RHOT1: variants seen among roughly 807,000 people sequenced by gnomAD.
RHOT1 encodes ras homolog family member T1, also known as mitochondrial Rho GTPase 1.
In RHOT1, 27 loss-of-function variants were observed where a neutral mutation model predicts 95.3. The ratio of observed to expected loss-of-function variants is 0.28; its 90% CI spans 0.21 to 0.39. The LOEUF (loss-of-function observed/expected upper bound fraction) is 0.39, where lower values mean the gene tolerates loss of function less well. Among genes scored for constraint, RHOT1 ranks in the 10% least tolerant of loss-of-function variants. The pLI, the probability that RHOT1 is intolerant of heterozygous loss-of-function variation, is 1.00. For missense variants in RHOT1, 578 were observed against 786.7 expected (o/e 0.73, Z 3.17); for synonymous variants, 227 against 263.5 (o/e 0.86, Z 1.34).
intron 1 of RHOT1, among the ~76,000 whole-genome samples, chr17:32,147,952 C>G (rs1041273975): frequency 6.6e-6 from 1 of 152,050 alleles, no homozygotes. Context: ...ACTTCTGATG[C>G]GTGTAGGCTT....
intron 1 of RHOT1, among the ~76,000 whole-genome samples, chr17:32,162,366 A>G (rs1216512055): frequency 6.6e-6 from 1 of 152,220 alleles, no homozygotes. Context: ...GACCAGATGT[A>G]TTCTATGTTA....
intron 13 of RHOT1, 124 bp downstream of exon 13, chr17:32,199,674 G>A: frequency 1.5e-6 from 1 of 664,076 alleles, no homozygotes; most frequent in Non-Finnish European, 2.4e-6. Flanking sequence ...TTGCCTCTAA[G>A]CAAGATTAGC....
intron 1 of RHOT1, among the ~76,000 whole-genome samples, chr17:32,144,924 T>G (rs1341010100): frequency 1.3e-5 from 2 of 151,362 alleles, no homozygotes; most frequent in African/African-American, 4.9e-5. Flanking sequence ...ACCCAGAAAA[T>G]CGAGGTTGCA....
chr17:32,182,234 G>C (rs1254198175), intron 6 of RHOT1, among the ~76,000 whole-genome samples: 2 of 152,054 alleles, frequency 1.3e-5, no homozygotes, highest in Non-Finnish European at 2.9e-5. Context: ...AGGCATAGTA[G>C]CTCATACCTA....
At chr17:32,172,109 TTACTC>T (rs1485270302) in intron 2 of RHOT1, among the ~76,000 whole-genome samples, 4 of 152,208 alleles carry the variant, frequency 2.6e-5, no homozygotes, top group African/African-American at 7.2e-5. Context: ...TATCCTTCCT[TTACTC>T]TAGTTTAGAT....
At chr17:32,151,540 C>G in intron 1 of RHOT1, 1 of 505,042 alleles carries the variant, frequency 2.0e-6, no homozygotes, top group Non-Finnish European at 3.7e-6. Flanking sequence ...CCCCTTAGAC[C>G]ATTTTCAGTC....
intron 1 of RHOT1, among the ~76,000 whole-genome samples, chr17:32,165,516 C>G (rs532473355): frequency 1.3e-5 from 2 of 148,694 alleles, no homozygotes; most frequent in East Asian, 3.9e-4. Context: ...GAGAGAGACC[C>G]TGTCTCAAAA....
intron 15 of RHOT1, among the ~76,000 whole-genome samples, chr17:32,203,269 C>CTTTTTTTTTTT (rs940216011): frequency 1.4e-4 from 10 of 72,328 alleles, no homozygotes; most frequent in Admixed American, 3.5e-4. Context: ...TCTTCTTCTT[C>CTTTTTTTTTTT]TTTTTTTTTT....
At chr17:32,182,282 A>G (rs189667403) in intron 6 of RHOT1, among the ~76,000 whole-genome samples, 2 of 152,288 alleles carry the variant, frequency 1.3e-5, no homozygotes, top group East Asian at 3.9e-4. Context: ...GTTTGAGACT[A>G]GCCTAGGCAA....
At chr17:32,153,821 T>C (rs1165879074) in intron 1 of RHOT1, among the ~76,000 whole-genome samples, 2 of 152,208 alleles carry the variant, frequency 1.3e-5, no homozygotes, top group South Asian at 2.1e-4. Flanking sequence ...TTAGAAATTA[T>C]ATAGGCATTG....
chr17:32,216,146 A>G (rs2142938122), intron 19 of RHOT1, among the ~76,000 whole-genome samples: 1 of 152,062 alleles, frequency 6.6e-6, no homozygotes, highest in South Asian at 2.1e-4. Context: ...ACTTGAGAAC[A>G]CTCCTGCTTT....
At chr17:32,203,269 CTTT>C (rs940216011) in intron 15 of RHOT1, among the ~76,000 whole-genome samples, 4 of 72,332 alleles carry the variant, frequency 5.5e-5, no homozygotes, top group African/African-American at 1.2e-4. Context: ...TCTTCTTCTT[CTTT>C]TTTTTTTTTT....
At chr17:32,191,359 C>G (rs2036475804) in intron 8 of RHOT1, among the ~76,000 whole-genome samples, 1 of 152,132 alleles carries the variant, frequency 6.6e-6, no homozygotes, top group Non-Finnish European at 1.5e-5. Context: ...ATTTCCTCAC[C>G]TTGACATCTC....
At chr17:32,207,836 G>A (rs2037862769) in intron 17 of RHOT1, among the ~76,000 whole-genome samples, 1 of 151,662 alleles carries the variant, frequency 6.6e-6, no homozygotes, top group African/African-American at 2.4e-5. Flanking sequence ...TGTGTTTAAT[G>A]TGTGTTTTTA....
chr17:32,153,632 C>T (rs1449204441), intron 1 of RHOT1, among the ~76,000 whole-genome samples: 1 of 152,114 alleles, frequency 6.6e-6, no homozygotes, highest in Non-Finnish European at 1.5e-5. Context: ...GTACTCTTGC[C>T]TGGGCAAAAG....
Position 32,211,217 on chromosome 17 carries a change from T to A in RHOT1, c.1841T>A (p.Ile614Asn). Residue 614 changes from isoleucine to asparagine, a missense_variant, in exon 19 of 20, where the codon ATC becomes AAC. By Grantham distance (149) the Ile-to-Asn change is moderately radical. This residue lies in a region of RHOT1 where 296 missense variants were observed against 338.5 expected (regional missense o/e 0.87). Coordinates refer to ENST00000545287, the MANE Select transcript of RHOT1 (RefSeq NM_001033566.3). ...SDLLQSVKNK[I>N]FTAVLNRHVT... ...TTGCTGCAATCTGTAAAGAACAAAA[T>A]CTTCACTGCAGTTCTTAACAGGTTC... 1 of 1,611,232 alleles carries A rather than the reference T, an allele frequency of 6.2e-7. No individual in the cohort carries two copies. Among genetic ancestry groups the A allele is most frequent in the Non-Finnish European group, 8.5e-7 (1 of 1,177,892 alleles).
At chr17:32,184,355 G>A (rs1369130475) in intron 8 of RHOT1, among the ~76,000 whole-genome samples, 1 of 151,724 alleles carries the variant, frequency 6.6e-6, no homozygotes, top group East Asian at 1.9e-4. Context: ...TTTGTTTCTG[G>A]CTTCTTTTAC....
intron 1 of RHOT1, among the ~76,000 whole-genome samples, chr17:32,147,811 T>C (rs1379082363): frequency 6.9e-6 from 1 of 145,632 alleles, no homozygotes; most frequent in Non-Finnish European, 1.5e-5. Flanking sequence ...AGAGTGAGAC[T>C]CCATTTCAAA....
chr17:32,202,755 T>A lies in RHOT1; in HGVS notation c.1202-15T>A. The A allele has an allele frequency of 6.5e-7, 1 of 1,548,240 alleles. No homozygotes were observed. ...GTACATATTTAGTGGGGTTTTTTAT[T>A]ATTATTATTTTTAGTGACAAGAGAT... On this transcript the variant is annotated splice_polypyrimidine_tract_variant and intron_variant, in intron 14 of 19. Coordinates refer to ENST00000545287, the MANE Select transcript of RHOT1 (RefSeq NM_001033566.3).
Sources: gnomAD v4.1 joint callset for allele counts (sites outside exome capture counted in the v4.1 genomes callset) on GRCh38, gnomAD v4.1.1 for gene constraint, gnomAD v4.1.1 regional missense constraint, MANE v1.5 for transcripts, NCBI Gene and HGNC (gene_info 2026-07-23, HGNC 2026-07-21) for gene names.